The following B3GALT1 variants were observed in gnomAD, a reference collection of about 807,000 sequenced individuals.
B3GALT1 encodes UDP-Gal:betaGlcNAc beta 1,3-galactosyltransferase, polypeptide 1.
In B3GALT1, 10 loss-of-function variants were observed where a neutral mutation model predicts 23.2. That is an observed-to-expected ratio of 0.43 (90% confidence interval 0.27 to 0.73). The LOEUF (loss-of-function observed/expected upper bound fraction) is 0.73, where lower values mean the gene tolerates loss of function less well. Among genes scored for constraint, B3GALT1 ranks in the 30% least tolerant of loss-of-function variants. B3GALT1 has a pLI of 0.21. For synonymous variants in B3GALT1, 156 were observed against 141.5 expected (o/e 1.10, Z -0.73); for missense variants, 299 against 405.4 (o/e 0.74, Z 2.25).
chr2:167,466,471 T>G (rs573103551), intron 1 of B3GALT1, among the ~76,000 whole-genome samples: 1 of 151,056 alleles, frequency 6.6e-6, no homozygotes, highest in South Asian at 2.1e-4. Flanking sequence ...TACAAAAAAC[T>G]TAGCCAGGCA....
chr2:167,648,811 C>T (rs1685803269), intron 3 of B3GALT1, among the ~76,000 whole-genome samples: 1 of 152,064 alleles, frequency 6.6e-6, no homozygotes, highest in African/African-American at 2.4e-5. Context: ...TGTTTTTCTT[C>T]CATTAGATTG....
intron 2 of B3GALT1, among the ~76,000 whole-genome samples, chr2:167,545,023 CTTTTTTTTTTTT>C (rs869066627): frequency 0.025 from 1,368 of 54,300 alleles, 19 homozygotes; most frequent in Non-Finnish European, 0.035. Context: ...GCTTGGGTGT[CTTTTTTTTTTTT>C]TTTTTTTTTT....
intron 3 of B3GALT1, among the ~76,000 whole-genome samples, chr2:167,763,158 G>T (rs539257373): frequency 3.7e-4 from 56 of 152,210 alleles, no homozygotes; most frequent in African/African-American, 1.3e-3. Flanking sequence ...GAACCTTTAT[G>T]AAGTACCCAG....
At chr2:167,685,090 C>G (rs1016906514) in intron 3 of B3GALT1, among the ~76,000 whole-genome samples, 5 of 152,200 alleles carry the variant, frequency 3.3e-5, no homozygotes, top group African/African-American at 1.2e-4. Flanking sequence ...AGATATTGTA[C>G]ATGGAAATCT....
At chr2:167,828,222 C>T (rs559370236) in intron 4 of B3GALT1, among the ~76,000 whole-genome samples, 23 of 152,252 alleles carry the variant, frequency 1.5e-4, no homozygotes, top group Admixed American at 5.2e-4. Context: ...ATTTGGAAAA[C>T]GCCCTATAAT....
chr2:167,512,615 TATATAC>T (rs1306370631), intron 2 of B3GALT1, among the ~76,000 whole-genome samples: 1,633 of 92,944 alleles, frequency 0.018, 126 homozygotes, highest in Middle Eastern at 0.032. Context: ...TATGTATATA[TATATAC>T]GTGTATATAT....
chr2:167,442,108 C>T (rs2105313722), intron 1 of B3GALT1, among the ~76,000 whole-genome samples: 1 of 151,696 alleles, frequency 6.6e-6, no homozygotes, highest in Admixed American at 6.6e-5. Context: ...CAATTCCCAC[C>T]TATGAGTGAG....
chr2:167,356,629 G>T (rs1258070823), intron 1 of B3GALT1, among the ~76,000 whole-genome samples: 6 of 152,004 alleles, frequency 3.9e-5, no homozygotes, highest in African/African-American at 7.2e-5. Flanking sequence ...GTAATTTAAA[G>T]AATTATATTT....
At chr2:167,301,319 G>A (rs1696441824) in intron 1 of B3GALT1, among the ~76,000 whole-genome samples, 1 of 152,188 alleles carries the variant, frequency 6.6e-6, no homozygotes, top group South Asian at 2.1e-4. Flanking sequence ...AAACAGAATG[G>A]CTGCAGAGAA....
intron 3 of B3GALT1, among the ~76,000 whole-genome samples, chr2:167,732,367 GAAGTTGA>G (rs1687422479): frequency 6.6e-6 from 1 of 152,206 alleles, no homozygotes; most frequent in African/African-American, 2.4e-5. Flanking sequence ...GACGTAATTA[GAAGTTGA>G]ACCTGTTTGG....
chr2:167,762,161 A>G (rs935511338), intron 3 of B3GALT1, among the ~76,000 whole-genome samples: 1 of 152,210 alleles, frequency 6.6e-6, no homozygotes. Context: ...AGGAGTTTTC[A>G]ACCTCTTTGT....
At chr2:167,846,190 T>C (rs894147149) in intron 4 of B3GALT1, among the ~76,000 whole-genome samples, 1 of 151,982 alleles carries the variant, frequency 6.6e-6, no homozygotes, top group African/African-American at 2.4e-5. Context: ...GGGAGAAAAA[T>C]CGAGGAAAAC....
intron 2 of B3GALT1, among the ~76,000 whole-genome samples, chr2:167,522,735 C>CTATG (rs764318952): frequency 3.6e-4 from 54 of 152,086 alleles, no homozygotes; most frequent in Non-Finnish European, 7.4e-5. Flanking sequence ...GGTGAAGTCC[C>CTATG]TATCTAACCT....
chr2:167,682,855 A>G (rs1686556610), intron 3 of B3GALT1, among the ~76,000 whole-genome samples: 1 of 152,264 alleles, frequency 6.6e-6, no homozygotes, highest in Non-Finnish European at 1.5e-5. Flanking sequence ...AGGAAATAAT[A>G]TGTATACTCA....
At chr2:167,719,543 C>T (rs188404431) in intron 3 of B3GALT1, among the ~76,000 whole-genome samples, 142 of 152,262 alleles carry the variant, frequency 9.3e-4, no homozygotes, top group South Asian at 2.3e-3. Flanking sequence ...TTTATACCTG[C>T]AGAGGAAAAG....
At chr2:167,537,702 G>A (rs750684881) in intron 2 of B3GALT1, among the ~76,000 whole-genome samples, 1 of 151,830 alleles carries the variant, frequency 6.6e-6, no homozygotes, top group Non-Finnish European at 1.5e-5. Flanking sequence ...CCTCCACTCC[G>A]CCTATCTAAA....
intron 2 of B3GALT1, among the ~76,000 whole-genome samples, chr2:167,518,439 G>A (rs568726990): frequency 8.1e-4 from 123 of 152,130 alleles, no homozygotes; most frequent in Non-Finnish European, 1.5e-3. Context: ...TTGATTTAAA[G>A]AATAACTGAA....
chr2:167,411,812 C>T (rs1698396356), intron 1 of B3GALT1, among the ~76,000 whole-genome samples: 2 of 152,096 alleles, frequency 1.3e-5, no homozygotes, highest in Non-Finnish European at 2.9e-5. Flanking sequence ...AACCTAAGTG[C>T]TCATCAATAG....
At chr2:167,297,412 G>A (rs1255658682) in intron 1 of B3GALT1, among the ~76,000 whole-genome samples, 1 of 150,236 alleles carries the variant, frequency 6.7e-6, no homozygotes, top group East Asian at 1.9e-4. Context: ...AAAAAACTAG[G>A]TTTTGAGGTC....
Sources: allele counts gnomAD v4.1 joint callset (sites outside exome capture counted in the v4.1 genomes callset), GRCh38; gene constraint gnomAD v4.1.1; transcripts MANE v1.5; gene names NCBI Gene and HGNC (gene_info 2026-07-23, HGNC 2026-07-21).